Variants in PEX1 observed in about 807,000 individuals in gnomAD.
PEX1 encodes peroxisomal ATPase PEX1.
Under a neutral mutation model 152.5 loss-of-function variants are expected in PEX1, and 97 were observed. That is an observed-to-expected ratio of 0.64 (90% CI 0.54 to 0.75). The LOEUF is 0.75. Among genes scored for constraint, PEX1 ranks in the 30% least tolerant of loss-of-function variants. The pLI is 0.00. For missense variants in PEX1, 1,357 were observed against 1,516.3 expected (o/e 0.89, Z 1.74); for synonymous variants, 485 against 531.6 (o/e 0.91, Z 1.21).
At chr7:92,494,060 T>C (rs1429528801) in intron 19 of PEX1, 24 of 488,104 alleles carry the variant, frequency 4.9e-5, no homozygotes, top group East Asian at 1.1e-4. Flanking sequence ...CATTTTTTTT[T>C]CCCCAATCAG....
At position 92,517,595 on chromosome 7, in the gene PEX1, T is replaced by G. The variant is rs563671482; in HGVS notation, c.920A>C (p.His307Pro). Residue 307 changes from histidine (H) to proline (P), a missense_variant, in exon 5 of 24, where the codon CAT becomes CCT. His to Pro is a moderately conservative substitution (Grantham distance 77). Transcript: ENST00000248633. ...IYNASATSVFHKHCAIHVFPW... is the reference protein window; with the variant it reads ...IYNASATSVFPKHCAIHVFPW... ...AAATACATGAATGGCACAGTGTTTA[T>G]GAAAAACAGAGGTTGCTGACGCGTT... 9.3e-6 allele frequency: 15 copies of G among 1,614,138 alleles called. No individual in the cohort carries two copies. In the South Asian group the frequency reaches 1.1e-4, roughly 12 times the overall value.
chr7:92,509,508 C>T, intron 8 of PEX1, 97 bp from the exon 9 acceptor site: 3 of 791,960 alleles, frequency 3.8e-6, no homozygotes, highest in Non-Finnish European at 6.5e-6. Flanking sequence ...TTCTGTTATA[C>T]CAGAGAGAAT....
At chr7:92,509,875 G>A (rs1186327125) in intron 8 of PEX1, among the ~76,000 whole-genome samples, 2 of 152,148 alleles carry the variant, frequency 1.3e-5, no homozygotes, top group South Asian at 4.2e-4. Context: ...TGGGTGTGGT[G>A]GTTTACACTT....
At position 92,507,147 on chromosome 7, in the gene PEX1, T is replaced by G. The variant is rs544446173; in HGVS notation, c.1671-21A>C. ...CTCCTCTGTAAAAAATATACATAGT[T>G]ACATGATAAAAGACTGAAGCAGGAT... is the stretch of plus-strand genomic sequence containing the variant. On this transcript the variant is annotated intron_variant, in intron 9 of 23. Coordinates refer to ENST00000248633, the MANE Select transcript of PEX1 (RefSeq NM_000466.3). 5 of 1,610,040 alleles carry G rather than the reference T, an allele frequency of 3.1e-6. No individual in the cohort carries two copies. The Admixed American group carries it at 8.3e-5, about 27-fold the overall frequency.
At chr7:92,512,328 T>A (rs550426428) in intron 6 of PEX1, among the ~76,000 whole-genome samples, 1 of 152,114 alleles carries the variant, frequency 6.6e-6, no homozygotes, top group Non-Finnish European at 1.5e-5. Flanking sequence ...GGCCTAATAA[T>A]CTATTTAAAA....
intron 1 of PEX1, 36 bp from the exon 2 acceptor site, chr7:92,522,281 C>T (rs777844104): frequency 5.0e-6 from 8 of 1,603,904 alleles, no homozygotes; most frequent in South Asian, 3.3e-5. Flanking sequence ...AAAAGGTTTT[C>T]GTATACATTT....
intron 2 of PEX1, among the ~76,000 whole-genome samples, chr7:92,520,438 G>GA (rs1402147574): frequency 6.6e-6 from 1 of 152,120 alleles, no homozygotes; most frequent in Non-Finnish European, 1.5e-5. Flanking sequence ...GCATAAACAA[G>GA]ATTAGTCTGT....
chr7:92,525,799 G>C (rs1017475082), intron 1 of PEX1, among the ~76,000 whole-genome samples: 2 of 152,186 alleles, frequency 1.3e-5, no homozygotes, highest in African/African-American at 2.4e-5. Context: ...TTGAAACACA[G>C]TACAGAGTAT....
At chr7:92,528,183 A>G in intron 1 of PEX1, 124 bp downstream of exon 1, 1 of 1,290,088 alleles carries the variant, frequency 7.8e-7, no homozygotes. Flanking sequence ...CCGTCGAGGG[A>G]CCCTGATCTC....
intron 16 of PEX1, among the ~76,000 whole-genome samples, chr7:92,498,147 T>C (rs1791750455): frequency 6.7e-6 from 1 of 150,116 alleles, no homozygotes; most frequent in African/African-American, 2.5e-5. Context: ...TTCTCCGTCA[T>C]TGCCAGTTCT....
At chr7:92,491,588 A>G in intron 20 of PEX1, 86 bp from the exon 21 acceptor site, 1 of 801,022 alleles carries the variant, frequency 1.2e-6, no homozygotes. Context: ...GCATTCTATT[A>G]GAGCAATACA....
chr7:92,511,534 C>T (rs1486055225), intron 7 of PEX1, 46 bp downstream of exon 7: 5 of 1,465,054 alleles, frequency 3.4e-6, no homozygotes, highest in Non-Finnish European at 4.7e-6. Flanking sequence ...TAAAAATGTA[C>T]AACTATTTAA....
Position 92,501,577 on chromosome 7 carries a change from C to G in PEX1, c.2513G>C (p.Gly838Ala). 6.2e-7 allele frequency: 1 copy of G among 1,613,920 alleles called. No individual in the cohort carries two copies. Among genetic ancestry groups the G allele is most frequent in the Admixed American group, 1.7e-5 (1 of 60,002 alleles). ...SVNLHKPRDL[G>A]WDKIGGLHEV... ...ATGTAACCCACCAATCTTGTCCCAA[C>G]CCAGGTCTCTAGGTTTATGCAGGTT... Residue 838 changes from glycine to alanine, a missense_variant, in exon 15 of 24, where the codon GGT becomes GCT. Transcript: ENST00000248633.
Position 92,506,358 on chromosome 7 carries a change from G to C in PEX1, c.1804-14C>G. The C allele has an allele frequency of 1.4e-6, 2 of 1,480,966 alleles. No homozygotes were observed. Among genetic ancestry groups the C allele is most frequent in the Non-Finnish European group, 1.9e-6 (2 of 1,059,054 alleles). The allele number at this position is 1,480,966 out of a possible 1,614,324, so 91.7% of individuals were successfully genotyped here. A position where few individuals can be genotyped will look rare whatever the true frequency, so the allele number is the denominator to read the frequency against. On this transcript the variant is annotated splice_polypyrimidine_tract_variant and intron_variant, in intron 10 of 23. Transcript: ENST00000248633. ...TTTTCCACTTCCCTAGAAAATAATT[G>C]CTTTATAGGAATTCCCAATATATTC...
intron 16 of PEX1, among the ~76,000 whole-genome samples, chr7:92,497,308 G>A (rs1238695400): frequency 6.6e-6 from 1 of 152,144 alleles, no homozygotes; most frequent in Non-Finnish European, 1.5e-5. Context: ...TAAGTGAATG[G>A]TGTAAGAAGG....
chr7:92,499,623 G>A, intron 16 of PEX1, 81 bp downstream of exon 16: 1 of 1,226,230 alleles, frequency 8.2e-7, no homozygotes, highest in Non-Finnish European at 1.2e-6. Flanking sequence ...CTAAATGCCA[G>A]TGAATTTACA....
chr7:92,511,002 T>C lies in PEX1; in HGVS notation c.1529A>G (p.Glu510Gly). ...SLSIVHSWEK[E>G]KDKNIFLLSP... ...CAACAGAAAAATATTTTTATCTTTT[T>C]CTTTTTCCCAAGAATGAACTATACT... The change falls in exon 8 of 24, where the codon GAA becomes GGA. Residue 510 changes from glutamate to glycine, a missense_variant. Glu to Gly is a moderately conservative substitution (Grantham distance 98). Coordinates refer to ENST00000248633, the MANE Select transcript of PEX1 (RefSeq NM_000466.3). 6.3e-7 allele frequency: 1 copy of C among 1,587,754 alleles called. No individual in the cohort carries two copies. The highest frequency in any genetic ancestry group is 2.2e-5 in the East Asian group (1 of 44,606).
rs754978386 is a variant in PEX1, at chr7:92,494,628, C to T, written c.2785G>A (p.Ala929Thr). Residue 929 changes from alanine to threonine, a missense_variant and splice_region_variant, in exon 18 of 24, where the codon GCA becomes ACA. Transcript: ENST00000248633. ...AGAATGCAGGGCTTTGCAGCCTGTG[C>T]TCTGGGAAAAACAAACAACATTTCA... ...EQAVRDIFIR[A>T]QAAKPCILFF... 5 of 1,613,654 alleles carry T rather than the reference C, an allele frequency of 3.1e-6. No homozygotes were observed. In the African/African-American group the frequency reaches 6.7e-5, roughly 22 times the overall value.
chr7:92,517,394 T>C lies in PEX1; in HGVS notation c.1121A>G (p.His374Arg). 1 of 1,613,998 alleles carries C rather than the reference T, an allele frequency of 6.2e-7. No individual in the cohort carries two copies. The highest frequency in any genetic ancestry group is 8.5e-7 in the Non-Finnish European group (1 of 1,179,940). The change falls in exon 5 of 24, where the codon CAT becomes CGT. Residue 374 changes from histidine (H) to arginine (R), a missense_variant. By Grantham distance (29) the His-to-Arg change is conservative. Transcript: ENST00000248633. ...PLDQKKIRSDHNEEDEKACVL... is the reference protein window; with the variant it reads ...PLDQKKIRSDRNEEDEKACVL... ...ACAGGCCTTCTCATCTTCTTCATTA[T>C]GATCTGACCTAATTTTTTTTTGATC...
Sources: gnomAD v4.1 joint callset for allele counts (sites outside exome capture counted in the v4.1 genomes callset) on GRCh38, gnomAD v4.1.1 for gene constraint, MANE v1.5 for transcripts, NCBI Gene and HGNC (gene_info 2026-07-23, HGNC 2026-07-21) for gene names.